CPQ: variants seen among roughly 807,000 people sequenced by gnomAD.
CPQ encodes the protein Ser-Met dipeptidase.
CPQ carries 37 observed loss-of-function variants against 45.7 expected under a neutral mutation model. The ratio of observed to expected loss-of-function variants is 0.81; its 90% CI spans 0.62 to 1.07. CPQ has a LOEUF of 1.07. Among genes scored for constraint, CPQ ranks in the 50% least tolerant of loss-of-function variants. CPQ has a pLI of 0.00. For synonymous variants in CPQ, 186 were observed against 205.8 expected, an observed-to-expected ratio of 0.90 and a Z score of 0.82; for missense variants, 537 against 572.9, an observed-to-expected ratio of 0.94 and a Z score of 0.64.
chr8:96,953,352 CTG>C (rs1168430340), intron 4 of CPQ, among the ~76,000 whole-genome samples: 1 of 152,100 alleles, frequency 6.6e-6, no homozygotes, highest in African/African-American at 2.4e-5. Context: ...CTGGGGAGTA[CTG>C]TTCCCTTGTG....
At chr8:96,724,469 A>C (rs1163674921) in intron 1 of CPQ, among the ~76,000 whole-genome samples, 1 of 150,106 alleles carries the variant, frequency 6.7e-6, no homozygotes, top group Non-Finnish European at 1.5e-5. Flanking sequence ...CCAAGTCAAG[A>C]ATGCAGTCCC....
rs975563369 is a variant in CPQ at position 96,774,938 on chromosome 8, G to T, written c.-34-9926G>T. Among the ~76,000 whole-genome samples the T allele has an allele frequency of 5.3e-5, 8 of 152,280 alleles. No homozygotes were observed. The South Asian group carries it at 1.7e-3, about 32-fold the overall frequency. ...AGAAAATCTGACTAAGTGGCTAAAA[G>T]AAATAGAGTTTATTTTTCTCATATA... On this transcript the variant is annotated intron_variant, in intron 1 of 7. Coordinates refer to ENST00000220763, the MANE Select transcript of CPQ (RefSeq NM_016134.4).
intron 4 of CPQ, among the ~76,000 whole-genome samples, chr8:96,926,060 G>A (rs927717516): frequency 1.3e-5 from 2 of 152,204 alleles, no homozygotes; most frequent in African/African-American, 4.8e-5. Flanking sequence ...GTACCTGGAT[G>A]TGATTGCTCT....
intron 3 of CPQ, among the ~76,000 whole-genome samples, chr8:96,853,960 C>T (rs561533358): frequency 6.6e-6 from 1 of 152,296 alleles, no homozygotes; most frequent in South Asian, 2.1e-4. Flanking sequence ...AATAGCTATT[C>T]TAACCCCACA....
At chr8:96,899,024 A>C (rs936920661) in intron 4 of CPQ, among the ~76,000 whole-genome samples, 58 of 152,250 alleles carry the variant, frequency 3.8e-4, no homozygotes, top group African/African-American at 1.4e-3. Flanking sequence ...TTTTGTAATA[A>C]AAATACAGAG....
intron 1 of CPQ, among the ~76,000 whole-genome samples, chr8:96,664,412 G>A (rs922912848): frequency 1.1e-4 from 16 of 152,160 alleles, no homozygotes; most frequent in African/African-American, 3.6e-4. Flanking sequence ...AGCTTTTTCT[G>A]AGCATGAGGG....
chr8:96,717,029 AT>A (rs1809685490), intron 1 of CPQ, among the ~76,000 whole-genome samples: 8 of 12,866 alleles, frequency 6.2e-4, no homozygotes, highest in South Asian at 8.5e-3. Flanking sequence ...ATATAAATAT[AT>A]ATATATATAT....
intron 1 of CPQ, among the ~76,000 whole-genome samples, chr8:96,761,975 T>C (rs1810411326): frequency 6.6e-6 from 1 of 152,188 alleles, no homozygotes; most frequent in African/African-American, 2.4e-5. Flanking sequence ...CAGATCTCTG[T>C]GAGCCACTTG....
intron 1 of CPQ, among the ~76,000 whole-genome samples, chr8:96,702,879 G>C (rs1275140153): frequency 6.6e-6 from 1 of 151,940 alleles, no homozygotes; most frequent in East Asian, 1.9e-4. Context: ...GTTTAAAATG[G>C]CCCCCAAGTG....
chr8:96,964,982 T>A (rs1324965567), intron 4 of CPQ, among the ~76,000 whole-genome samples: 3 of 152,208 alleles, frequency 2.0e-5, no homozygotes, highest in African/African-American at 7.2e-5. Context: ...AGTGAATTTT[T>A]AAATATTTTC....
chr8:96,972,728 C>T (rs556872509), intron 5 of CPQ, among the ~76,000 whole-genome samples: 12 of 152,224 alleles, frequency 7.9e-5, no homozygotes, highest in Non-Finnish European at 1.3e-4. Context: ...AGACACTCTC[C>T]AGTACCAGCC....
intron 4 of CPQ, among the ~76,000 whole-genome samples, chr8:96,906,870 A>G (rs929678052): frequency 7.2e-5 from 11 of 152,186 alleles, no homozygotes; most frequent in African/African-American, 2.7e-4. Flanking sequence ...AGAACCTTGG[A>G]AAGATTTCTA....
intron 6 of CPQ, among the ~76,000 whole-genome samples, chr8:97,045,368 C>T (rs544975165): frequency 1.1e-4 from 16 of 152,292 alleles, no homozygotes; most frequent in Non-Finnish European, 1.6e-4. Context: ...GGGAGTGACC[C>T]GATTTTCCAG....
intron 1 of CPQ, among the ~76,000 whole-genome samples, chr8:96,746,457 G>A (rs1483232615): frequency 9.2e-5 from 14 of 152,106 alleles, no homozygotes; most frequent in Admixed American, 5.9e-4. Context: ...CCAAGAGCCC[G>A]TAAGAATAGA....
chr8:96,882,402 T>C (rs1478794967), intron 4 of CPQ, among the ~76,000 whole-genome samples: 1 of 152,190 alleles, frequency 6.6e-6, no homozygotes, highest in Non-Finnish European at 1.5e-5. Flanking sequence ...TAAAGTGTAA[T>C]CCTTCCCAGG....
intron 2 of CPQ, among the ~76,000 whole-genome samples, chr8:96,809,498 C>T (rs115629560): frequency 1.1e-3 from 174 of 152,204 alleles, no homozygotes; most frequent in African/African-American, 3.8e-3. Context: ...CAAAACATTA[C>T]GCACCATATG....
At chr8:96,846,391 T>C (rs1232208755) in intron 3 of CPQ, among the ~76,000 whole-genome samples, 1 of 152,216 alleles carries the variant, frequency 6.6e-6, no homozygotes, top group Non-Finnish European at 1.5e-5. Flanking sequence ...CGTAGTCAGA[T>C]ATATGTTTTG....
chr8:96,873,056 G>A (rs1812098378), intron 3 of CPQ, among the ~76,000 whole-genome samples: 1 of 151,740 alleles, frequency 6.6e-6, no homozygotes, highest in South Asian at 2.1e-4. Flanking sequence ...CACTCTTGTG[G>A]AGTTGGCTGC....
At chr8:96,868,337 G>A (rs1283966073) in intron 3 of CPQ, among the ~76,000 whole-genome samples, 2 of 151,986 alleles carry the variant, frequency 1.3e-5, no homozygotes, top group East Asian at 1.9e-4. Flanking sequence ...TAGACCTTGT[G>A]GTCATCTTAT....
Sources: gnomAD v4.1 joint callset for allele counts (sites outside exome capture counted in the v4.1 genomes callset) on GRCh38, gnomAD v4.1.1 for gene constraint, MANE v1.5 for transcripts, NCBI Gene and HGNC (gene_info 2026-07-23, HGNC 2026-07-21) for gene names.